The following IGF1R variants were observed in gnomAD, a reference collection of about 807,000 sequenced individuals.
IGF1R encodes the protein insulin-like growth factor 1 receptor.
In IGF1R, 44 loss-of-function variants were observed where a neutral mutation model predicts 144.6. That is an observed-to-expected ratio of 0.30 (90% CI 0.24 to 0.39). The LOEUF is 0.39. IGF1R is among the 10% of genes least tolerant of loss of function. The pLI, the probability that IGF1R is intolerant of heterozygous loss-of-function variation, is 1.00. For synonymous variants in IGF1R, 795 were observed against 722.8 expected, an observed-to-expected ratio of 1.10 and a Z score of -1.60; for missense variants, 1,355 against 1,833.7, an observed-to-expected ratio of 0.74 and a Z score of 4.77.
chr15:98,691,634 A>G (rs2053479313), intron 1 of IGF1R, among the ~76,000 whole-genome samples: 1 of 152,012 alleles, frequency 6.6e-6, no homozygotes, highest in South Asian at 2.1e-4. Context: ...AAGTGCTAAG[A>G]TTACAGGTGT....
At chr15:98,687,806 T>C (rs2053367304) in intron 1 of IGF1R, among the ~76,000 whole-genome samples, 1 of 152,220 alleles carries the variant, frequency 6.6e-6, no homozygotes, top group African/African-American at 2.4e-5. Context: ...AGTGTCCAGC[T>C]GTAGAGCTCT....
intron 4 of IGF1R, among the ~76,000 whole-genome samples, chr15:98,898,514 C>T (rs994562668): frequency 6.6e-6 from 1 of 152,238 alleles, no homozygotes; most frequent in Non-Finnish European, 1.5e-5. Flanking sequence ...ACATCAACTG[C>T]ACGCAACCTC....
chr15:98,724,076 T>C (rs778108584), intron 2 of IGF1R, among the ~76,000 whole-genome samples: 1 of 152,196 alleles, frequency 6.6e-6, no homozygotes, highest in African/African-American at 2.4e-5. Flanking sequence ...AATTTACATT[T>C]CTTCTAGGAC....
At chr15:98,700,532 C>T (rs1356783185) in intron 1 of IGF1R, among the ~76,000 whole-genome samples, 2 of 152,138 alleles carry the variant, frequency 1.3e-5, no homozygotes, top group Non-Finnish European at 2.9e-5. Context: ...GGGGCCTCAC[C>T]TCTTGCGTTT....
chr15:98,764,495 G>A (rs2055386702), intron 2 of IGF1R, among the ~76,000 whole-genome samples: 1 of 152,042 alleles, frequency 6.6e-6, no homozygotes, highest in Non-Finnish European at 1.5e-5. Context: ...AAGAATGCTG[G>A]GATCTTTTAC....
intron 2 of IGF1R, among the ~76,000 whole-genome samples, chr15:98,725,701 A>G (rs769350265): frequency 1.2e-4 from 18 of 152,312 alleles, no homozygotes; most frequent in Non-Finnish European, 2.4e-4. Flanking sequence ...GTCTGTTTTC[A>G]TGCTGCTGAT....
chr15:98,940,870 C>T (rs937591720), intron 18 of IGF1R, among the ~76,000 whole-genome samples: 1 of 152,224 alleles, frequency 6.6e-6, no homozygotes, highest in African/African-American at 2.4e-5. Flanking sequence ...GACGTCCTCA[C>T]GTTTGGTGCT....
intron 2 of IGF1R, among the ~76,000 whole-genome samples, chr15:98,864,362 C>T (rs2012316096): frequency 6.6e-6 from 1 of 152,196 alleles, no homozygotes; most frequent in African/African-American, 2.4e-5. Context: ...AATCATTATT[C>T]AGAATTTTCC....
At chr15:98,686,363 A>G (rs2053328278) in intron 1 of IGF1R, among the ~76,000 whole-genome samples, 1 of 152,224 alleles carries the variant, frequency 6.6e-6, no homozygotes, top group Non-Finnish European at 1.5e-5. Context: ...GCTACTGTGA[A>G]TAATATGACT....
intron 4 of IGF1R, chr15:98,897,208 A>G: frequency 7.3e-6 from 3 of 410,254 alleles, no homozygotes; most frequent in Admixed American, 3.8e-5. Flanking sequence ...AAACCCCAGA[A>G]GAGACCATTG....
rs139280569 is a variant in IGF1R at position 98,765,308 on chromosome 15, C to CTTTT, written c.640+57226_640+57229dup. On this transcript the variant is annotated intron_variant, in intron 2 of 20. Transcript: ENST00000650285. ...TCTCACCCAATGATCATGCCAACAC[C>CTTTT]TTTTTTTTTTTTTTTTTTTTTTTTT... Among the ~76,000 whole-genome samples, 118 of 61,822 alleles carry CTTTT rather than the reference C, an allele frequency of 1.9e-3. 12 individuals carry two copies. The highest frequency in any genetic ancestry group is 2.5e-3 in the African/African-American group (38 of 15,022). 40.6% of individuals were successfully genotyped at this position (61,822 alleles called of 152,430 possible).
At chr15:98,879,024 GT>G (rs2013230809) in intron 2 of IGF1R, among the ~76,000 whole-genome samples, 1 of 152,076 alleles carries the variant, frequency 6.6e-6, no homozygotes, top group Admixed American at 6.5e-5. Flanking sequence ...GGGGATGTGG[GT>G]TGTGAGAGCG....
chr15:98,661,311 G>A (rs1714529009), intron 1 of IGF1R, among the ~76,000 whole-genome samples: 1 of 152,138 alleles, frequency 6.6e-6, no homozygotes, highest in Non-Finnish European at 1.5e-5. Context: ...CTGGTAGGGC[G>A]ACGGTGAGGC....
At chr15:98,769,165 A>T (rs934988822) in intron 2 of IGF1R, among the ~76,000 whole-genome samples, 3 of 152,224 alleles carry the variant, frequency 2.0e-5, no homozygotes, top group African/African-American at 7.2e-5. Flanking sequence ...ATTTTTAGAC[A>T]GGAAGATTCT....
intron 1 of IGF1R, among the ~76,000 whole-genome samples, chr15:98,661,000 C>T (rs1046636382): frequency 6.6e-6 from 1 of 152,108 alleles, no homozygotes; most frequent in African/African-American, 2.4e-5. Context: ...TACTTGCACA[C>T]CTGCTGACCT....
At chr15:98,666,869 C>CTG (rs1223301016) in intron 1 of IGF1R, among the ~76,000 whole-genome samples, 1 of 152,132 alleles carries the variant, frequency 6.6e-6, no homozygotes, top group African/African-American at 2.4e-5. Context: ...GAACTATACA[C>CTG]TTAACAAGGG....
At chr15:98,714,814 AT>A (rs748331932) in intron 2 of IGF1R, among the ~76,000 whole-genome samples, 24 of 150,614 alleles carry the variant, frequency 1.6e-4, no homozygotes, top group African/African-American at 4.4e-4. Flanking sequence ...TCATCTTAAC[AT>A]TTTTTTTTTA....
intron 2 of IGF1R, among the ~76,000 whole-genome samples, chr15:98,867,992 G>C (rs908592911): frequency 1.3e-5 from 2 of 152,146 alleles, no homozygotes; most frequent in African/African-American, 4.8e-5. Context: ...CTTGAGGTCG[G>C]GAGTTCGAGA....
chr15:98,677,615 G>C (rs542518875), intron 1 of IGF1R, among the ~76,000 whole-genome samples: 29 of 152,316 alleles, frequency 1.9e-4, no homozygotes, highest in Non-Finnish European at 3.8e-4. Context: ...TGAGGACTGG[G>C]CTCCTGGCTT....
Sources: gnomAD v4.1 joint callset for allele counts (sites outside exome capture counted in the v4.1 genomes callset) on GRCh38, gnomAD v4.1.1 for gene constraint, MANE v1.5 for transcripts, NCBI Gene and HGNC (gene_info 2026-07-23, HGNC 2026-07-21) for gene names.